The following NSUN7 variants were observed in gnomAD, a reference collection of about 807,000 sequenced individuals.
NSUN7 encodes the protein NOP2/Sun RNA methyltransferase family member 7.
NSUN7 carries 39 observed loss-of-function variants against 58.5 expected under a neutral mutation model. That is an observed-to-expected ratio of 0.67 (90% CI 0.52 to 0.87). The LOEUF (loss-of-function observed/expected upper bound fraction) is 0.87, where lower values mean the gene tolerates loss of function less well. NSUN7 is among the 40% of genes least tolerant of loss of function. NSUN7 has a pLI of 0.00. For synonymous variants in NSUN7, 278 were observed against 303.7 expected (o/e 0.92, Z 0.88); for missense variants, 765 against 844.1 (o/e 0.91, Z 1.16).
At position 40,796,791 on chromosome 4, in the gene NSUN7, C is replaced by T. The variant is rs553884854; in HGVS notation, c.1283-1996C>T. The stretch of plus-strand genomic sequence containing the variant: ...TTCATATCCCTTTGTCCACATCTCT[C>T]ACTCTGTGCTCTCTAGAATTTATAG... On this transcript the variant is annotated intron_variant, in intron 9 of 11. Coordinates refer to ENST00000381782, the MANE Select transcript of NSUN7 (RefSeq NM_024677.6). 1.1e-3 allele frequency among the ~76,000 whole-genome samples: 173 copies of T among 152,306 alleles called. 4 individuals carry two copies. The South Asian group carries it at 0.034, about 30-fold the overall frequency.
intron 8 of NSUN7, 90 bp downstream of exon 8, chr4:40,790,835 A>G: frequency 1.0e-6 from 1 of 980,974 alleles, no homozygotes; most frequent in Non-Finnish European, 1.5e-6. Context: ...TATCAAATAC[A>G]TCTGATTAAT....
intron 3 of NSUN7, 43 bp from the exon 4 acceptor site, chr4:40,761,128 T>C: frequency 6.9e-7 from 1 of 1,456,370 alleles, no homozygotes; most frequent in Non-Finnish European, 9.3e-7. Context: ...GCTGGTTAGA[T>C]ATTGTTTGTA....
At chr4:40,773,097 T>C (rs190800474) in intron 4 of NSUN7, 1 of 152,358 alleles carries the variant, frequency 6.6e-6, no homozygotes, top group East Asian at 1.9e-4. Flanking sequence ...TACAGACTCA[T>C]GAAAGTTCTT....
At chr4:40,804,444 A>C (rs1452136431) in intron 10 of NSUN7, among the ~76,000 whole-genome samples, 2 of 152,114 alleles carry the variant, frequency 1.3e-5, no homozygotes, top group Admixed American at 1.3e-4. Flanking sequence ...ATCTCAAAAA[A>C]AAAAAAAAAT....
At position 40,778,999 on chromosome 4, in the gene NSUN7, A is replaced by G. The variant is rs576450550; in HGVS notation, c.1036+2740A>G. Reference sequence around the variant, plus strand: ...CTGAGAGTTTGTCACTAGTAGACACAGTAAAGGGAATACTAAAGATACATG... The same window carrying G: ...CTGAGAGTTTGTCACTAGTAGACACGGTAAAGGGAATACTAAAGATACATG... On this transcript the variant is annotated intron_variant, in intron 7 of 11. Coordinates refer to ENST00000381782, the MANE Select transcript of NSUN7 (RefSeq NM_024677.6). Among the ~76,000 whole-genome samples the G allele has an allele frequency of 2.0e-5, 3 of 152,328 alleles. No individual in the cohort carries two copies. In the East Asian group the frequency reaches 5.8e-4, roughly 29 times the overall value.
chr4:40,776,580 T>G, intron 7 of NSUN7: 1 of 202,162 alleles, frequency 4.9e-6, no homozygotes, highest in South Asian at 8.4e-5. Flanking sequence ...CTTAAATAAG[T>G]GCTTAAGTGA....
chr4:40,751,647 T>C (rs566563005), intron 2 of NSUN7, among the ~76,000 whole-genome samples: 2 of 152,302 alleles, frequency 1.3e-5, no homozygotes, highest in East Asian at 3.9e-4. Context: ...CAAACTTTAG[T>C]AGAACTTCCC....
intron 8 of NSUN7, among the ~76,000 whole-genome samples, chr4:40,792,763 A>G (rs10938399): frequency 6.0e-5 from 9 of 150,710 alleles, no homozygotes; most frequent in South Asian, 2.1e-4. Context: ...TAAAAAAAAA[A>G]AAGTTGTCGT....
chr4:40,755,620 A>G (rs1479642182), intron 2 of NSUN7, among the ~76,000 whole-genome samples: 1 of 152,216 alleles, frequency 6.6e-6, no homozygotes, highest in African/African-American at 2.4e-5. Flanking sequence ...AGTGAGAAAC[A>G]GTAAATGCTT....
chr4:40,798,853 T>C lies in NSUN7; in HGVS notation c.1349T>C (p.Val450Ala). 6.2e-7 allele frequency: 1 copy of C among 1,612,790 alleles called. No homozygotes were observed. The highest frequency in any genetic ancestry group is 8.5e-7 in the Non-Finnish European group (1 of 1,179,252). ...TTTCCAGAAGAAAATGAAGCTGTTG[T>C]TAAGAAAGCACTGGAATTTCAAGAC... is the stretch of plus-strand genomic sequence containing the variant. Reference protein sequence around the residue: ...SVFPEENEAVVKKALEFQDLG... With the variant: ...SVFPEENEAVAKKALEFQDLG... The change falls in exon 10 of 12, where the codon GTT (valine) becomes GCT (alanine). Residue 450 changes from valine to alanine, a missense_variant. Physicochemically the swap from Val to Ala is moderately conservative, Grantham distance 64. Transcript: ENST00000381782.
chr4:40,808,403 C>A lies in NSUN7; in HGVS notation c.1621C>A (p.Arg541=), dbSNP rs779364519. 1.2e-6 allele frequency: 2 copies of A among 1,613,686 alleles called. No homozygotes were observed. The highest frequency in any genetic ancestry group is 2.2e-5 in the East Asian group (1 of 44,886). The part of the protein sequence containing the change: ...DGIELGKSSK[R]EKKKKKSKTS... The stretch of plus-strand genomic sequence containing the variant: ...GATTGAGTTGGGTAAATCATCAAAA[C>A]GGGAGAAGAAGAAGAAAAAATCAAA... The change falls in exon 12 of 12, where the codon CGG becomes AGG. Residue 541 remains arginine, a synonymous_variant. Transcript: ENST00000381782.
chr4:40,794,604 T>TTA, intron 9 of NSUN7, 128 bp downstream of exon 9: 1 of 528,624 alleles, frequency 1.9e-6, no homozygotes. Context: ...ACATTCAGTC[T>TTA]TACTGCCTTC....
At chr4:40,786,659 A>G (rs556333739) in intron 7 of NSUN7, 15 of 1,589,290 alleles carry the variant, frequency 9.4e-6, no homozygotes, top group South Asian at 8.0e-5. Context: ...GAGAAACTAC[A>G]TGATATGATC....
intron 10 of NSUN7, among the ~76,000 whole-genome samples, chr4:40,803,648 A>G (rs1224441056): frequency 1.3e-5 from 2 of 152,210 alleles, no homozygotes; most frequent in African/African-American, 2.4e-5. Context: ...TTCACATACT[A>G]TGCAATTCAC....
At position 40,798,857 on chromosome 4, in the gene NSUN7, G is replaced by A. The variant is rs377062600; in HGVS notation, c.1353G>A (p.Lys451=). The change falls in exon 10 of 12, where the codon AAG becomes AAA. Residue 451 remains lysine (K), a synonymous_variant. Transcript: ENST00000381782. ...CAGAAGAAAATGAAGCTGTTGTTAAGAAAGCACTGGAATTTCAAGACCTTG... is the reference window on the plus strand; with the variant it reads ...CAGAAGAAAATGAAGCTGTTGTTAAAAAAGCACTGGAATTTCAAGACCTTG... ...VFPEENEAVV[K]KALEFQDLGN... is the part of the protein sequence containing the mutation. 1.2e-6 allele frequency: 2 copies of A among 1,612,228 alleles called. No homozygotes were observed. The highest frequency in any genetic ancestry group is 2.7e-5 in the African/African-American group (2 of 74,824).
intron 9 of NSUN7, among the ~76,000 whole-genome samples, chr4:40,795,744 C>G (rs138494988): frequency 6.6e-6 from 1 of 152,132 alleles, no homozygotes; most frequent in East Asian, 1.9e-4. Flanking sequence ...GATTAAAAGC[C>G]CGATTTGAAG....
At chr4:40,803,501 T>C (rs1743692003) in intron 10 of NSUN7, among the ~76,000 whole-genome samples, 1 of 152,238 alleles carries the variant, frequency 6.6e-6, no homozygotes, top group African/African-American at 2.4e-5. Context: ...AGATGGTATC[T>C]CATTGTGGTT....
At chr4:40,784,165 T>C (rs1354430720) in intron 7 of NSUN7, among the ~76,000 whole-genome samples, 1 of 152,224 alleles carries the variant, frequency 6.6e-6, no homozygotes, top group Non-Finnish European at 1.5e-5. Context: ...TGTGGAAGAA[T>C]TGCTGATGGG....
intron 7 of NSUN7, among the ~76,000 whole-genome samples, chr4:40,787,823 T>G (rs1742901290): frequency 6.6e-6 from 1 of 152,180 alleles, no homozygotes; most frequent in African/African-American, 2.4e-5. Flanking sequence ...ATGAGGTTGC[T>G]CTTTCCTTTT....
Sources: gnomAD v4.1 joint callset for allele counts (sites outside exome capture counted in the v4.1 genomes callset) on GRCh38, gnomAD v4.1.1 for gene constraint, MANE v1.5 for transcripts, NCBI Gene and HGNC (gene_info 2026-07-23, HGNC 2026-07-21) for gene names.